DDX60: variants seen among roughly 807,000 people sequenced by gnomAD.
DDX60 encodes DExD/H-box helicase 60, also known as probable ATP-dependent RNA helicase DDX60.
In DDX60, 165 loss-of-function variants were observed where a neutral mutation model predicts 212.8. The ratio of observed to expected loss-of-function variants is 0.78; its 90% CI spans 0.68 to 0.88. DDX60 has a LOEUF of 0.88. Ranked by LOEUF, DDX60 falls within the 40% of genes least tolerant of loss-of-function variation. The pLI is 0.00. For synonymous variants in DDX60, 703 were observed against 685.3 expected (o/e 1.03, Z -0.40); for missense variants, 1,905 against 2,003.9 (o/e 0.95, Z 0.94).
At chr4:168,309,253 A>C (rs1737027854) in intron 3 of DDX60, among the ~76,000 whole-genome samples, 1 of 152,144 alleles carries the variant, frequency 6.6e-6, no homozygotes, top group Non-Finnish European at 1.5e-5. Flanking sequence ...ACCCTAAATA[A>C]AACCATGGAA....
chr4:168,240,484 T>C (rs1460635469), intron 30 of DDX60, among the ~76,000 whole-genome samples: 4 of 152,138 alleles, frequency 2.6e-5, no homozygotes, highest in Admixed American at 6.5e-5. Flanking sequence ...TTAAAATTCA[T>C]AGTGGAACCA....
chr4:168,221,958 G>T (rs1456279939), intron 35 of DDX60, 77 bp from the exon 36 acceptor site: 5 of 1,428,932 alleles, frequency 3.5e-6, no homozygotes, highest in Non-Finnish European at 4.8e-6. Context: ...GTGCTTTGTA[G>T]ATACATCCTT....
At chr4:168,249,414 G>C (rs1030219537) in intron 28 of DDX60, among the ~76,000 whole-genome samples, 1 of 152,094 alleles carries the variant, frequency 6.6e-6, no homozygotes, top group South Asian at 2.1e-4. Context: ...TAATTATTCT[G>C]TAACTGAAAT....
rs1211046796 is a variant in DDX60, at chr4:168,236,277, G to A, written c.4508C>T (p.Ala1503Val). The stretch of plus-strand genomic sequence containing the variant: ...CTTTGATTGATAAAACTCGAAGTGT[G>A]CATCTTGGAACTTTGGTGGAAAATA... ...RRYFPPKFQD[A>V]HFEFYQSKVF... is the part of the protein sequence containing the mutation. The change falls in exon 33 of 38, where the codon GCA (alanine) becomes GTA (valine). Residue 1503 changes from alanine (A) to valine (V), a missense_variant. Transcript: ENST00000393743. The A allele has an allele frequency of 1.2e-6, 2 of 1,610,714 alleles. No individual in the cohort carries two copies. Among genetic ancestry groups the A allele is most frequent in the South Asian group, 2.2e-5 (2 of 90,780 alleles).
intron 9 of DDX60, among the ~76,000 whole-genome samples, chr4:168,287,583 T>A (rs1161761471): frequency 6.6e-6 from 1 of 152,164 alleles, no homozygotes; most frequent in African/African-American, 2.4e-5. Context: ...ATTGTTAAGT[T>A]TATATGCAGC....
intron 24 of DDX60, 70 bp from the exon 25 acceptor site, chr4:168,261,059 A>T: frequency 2.0e-6 from 3 of 1,499,512 alleles, no homozygotes; most frequent in Non-Finnish European, 2.7e-6. Flanking sequence ...TTTTTGCTAA[A>T]ATATTTTCAT....
chr4:168,267,599 CA>C lies in DDX60; in HGVS notation c.3021del (p.Ala1008HisfsTer2). The stretch of plus-strand genomic sequence containing the variant: ...TTACCTACATGATCTGTTGTTAGTG[CA>C]GCACATGGGTGAAAATGATCAAAAT... Reference protein sequence around the residue: ...DIHFDHFHPCAALTTDHIERY... With the variant: ...DIHFDHFHPCXALTTDHIERY... On this transcript the variant is annotated frameshift_variant, in exon 22 of 38. Transcript: ENST00000393743. LOFTEE classifies it high-confidence loss of function. 2 of 1,585,852 alleles carry C rather than the reference CA, an allele frequency of 1.3e-6. No individual in the cohort carries two copies. The highest frequency in any genetic ancestry group is 1.7e-6 in the Non-Finnish European group (2 of 1,165,248).
intron 5 of DDX60, among the ~76,000 whole-genome samples, chr4:168,304,360 T>C (rs913377322): frequency 6.6e-6 from 1 of 152,010 alleles, no homozygotes; most frequent in Non-Finnish European, 1.5e-5. Context: ...GAAAAAAGCT[T>C]AAAAAGTACA....
chr4:168,298,029 T>G, intron 6 of DDX60, among the ~76,000 whole-genome samples: 1 of 151,668 alleles, frequency 6.6e-6, no homozygotes, highest in Non-Finnish European at 1.5e-5. Context: ...AATTAAAACT[T>G]CAGAAACCAA....
chr4:168,318,983 T>A (rs1306722792), upstream of DDX60, among the ~76,000 whole-genome samples: 1 of 152,224 alleles, frequency 6.6e-6, no homozygotes, highest in Non-Finnish European at 1.5e-5. Flanking sequence ...GTTCTGGTAT[T>A]CTATTCTGCA....
rs544060493 is a variant in DDX60 at position 168,252,504 on chromosome 4, C to T, written c.3705+5G>A. On this transcript the variant is annotated splice_donor_5th_base_variant and intron_variant, in intron 27 of 37. Transcript: ENST00000393743. ...TTGGAGAACGATCAGGTTGTAAGTG[C>T]TGACCTCAGTGTCCACTGCTTTTTG... The T allele has an allele frequency of 1.2e-5, 19 of 1,613,260 alleles. No homozygotes were observed. In the South Asian group the frequency reaches 1.8e-4, roughly 15 times the overall value.
At chr4:168,267,755 T>G in intron 21 of DDX60, 64 bp from the exon 22 acceptor site, 1 of 1,538,028 alleles carries the variant, frequency 6.5e-7, no homozygotes. Flanking sequence ...AAATTTAAAG[T>G]AAACGGCATC....
In DDX60 at chr4:168,216,725, A is replaced by T. The variant is rs1051133952; in HGVS notation, c.*208T>A. ...TATAAAAAGAAACCAAGATTCAGGT[A>T]TACTAAATAATTTGTGAGTATTCAT... On this transcript the variant is annotated 3_prime_UTR_variant, in exon 38 of 38. Transcript: ENST00000393743. The T allele has an allele frequency of 7.2e-5, 30 of 418,204 alleles. No homozygotes were observed. Among genetic ancestry groups the T allele is most frequent in the Non-Finnish European group, 1.1e-4 (26 of 238,654 alleles). The allele number at this position is 418,204 out of a possible 1,614,324, so 25.9% of individuals were successfully genotyped here.
At position 168,276,040 on chromosome 4, in the gene DDX60, A is replaced by G; in HGVS notation, c.2120T>C (p.Leu707Ser). The change falls in exon 15 of 38, where the codon TTG (leucine) becomes TCG (serine). Residue 707 changes from leucine (L) to serine (S), a missense_variant. By Grantham distance (145) the Leu-to-Ser change is moderately radical (BLOSUM62 -2). Transcript: ENST00000393743. ...CTGGGCTGGATGTAAAGAACTTGCC[A>G]ACTCATCAAATCCTAAATACTTAAG... Reference protein sequence around the residue: ...RCLKYLGFDELASSLHPAQDA... With the variant: ...RCLKYLGFDESASSLHPAQDA... 5 of 1,612,466 alleles carry G rather than the reference A, an allele frequency of 3.1e-6. No homozygotes were observed. Among genetic ancestry groups the G allele is most frequent in the Non-Finnish European group, 2.5e-6 (3 of 1,179,062 alleles).
chr4:168,323,728 G>GT (rs927112765), upstream of DDX60, among the ~76,000 whole-genome samples: 2 of 152,138 alleles, frequency 1.3e-5, no homozygotes, highest in African/African-American at 4.8e-5. Flanking sequence ...GATTTCCAGA[G>GT]TTTTTTACCC....
At chr4:168,252,098 C>T (rs1734241966) in intron 27 of DDX60, among the ~76,000 whole-genome samples, 1 of 152,132 alleles carries the variant, frequency 6.6e-6, no homozygotes, top group African/African-American at 2.4e-5. Flanking sequence ...CACATGCACC[C>T]AAATTTTCAA....
intron 35 of DDX60, 78 bp from the exon 36 acceptor site, chr4:168,221,959 A>C (rs895439852): frequency 2.8e-6 from 4 of 1,429,076 alleles, no homozygotes; most frequent in African/African-American, 2.9e-5. Context: ...TGCTTTGTAG[A>C]TACATCCTTT....
At chr4:168,273,788 T>C (rs1274655808) in intron 17 of DDX60, 146 bp downstream of exon 17, 2 of 774,996 alleles carry the variant, frequency 2.6e-6, no homozygotes, top group Non-Finnish European at 4.0e-6. Context: ...TATATGTATA[T>C]GTATATTATT....
At chr4:168,294,117 T>C (rs895173057) in intron 6 of DDX60, among the ~76,000 whole-genome samples, 172 bp from the exon 7 acceptor site, 2 of 152,120 alleles carry the variant, frequency 1.3e-5, no homozygotes, top group African/African-American at 4.8e-5. Flanking sequence ...CATATACCCC[T>C]GAACTTAAAG....
Sources: allele counts gnomAD v4.1 joint callset (sites outside exome capture counted in the v4.1 genomes callset), GRCh38; gene constraint gnomAD v4.1.1; transcripts MANE v1.5; gene names NCBI Gene and HGNC (gene_info 2026-07-23, HGNC 2026-07-21).